The following SASH1 variants were observed in gnomAD, a reference collection of about 807,000 sequenced individuals.
SASH1 encodes the protein SAM and SH3 domain containing 1, also known as SAM and SH3 domain-containing protein 1.
A neutral mutation model predicts 125.2 loss-of-function variants in SASH1; 44 were observed. That is an observed-to-expected ratio of 0.35 (90% CI 0.28 to 0.45). The LOEUF (loss-of-function observed/expected upper bound fraction) is 0.45, where lower values mean the gene tolerates loss of function less well. Among genes scored for constraint, SASH1 ranks in the 20% least tolerant of loss-of-function variants. The pLI, the probability that SASH1 is intolerant of heterozygous loss-of-function variation, is 1.00. For synonymous variants in SASH1, 639 were observed against 649.1 expected (o/e 0.98, Z 0.24); for missense variants, 1,426 against 1,614.5 (o/e 0.88, Z 2.00).
chr6:148,413,517 T>C (rs1784704283), intron 2 of SASH1, among the ~76,000 whole-genome samples: 1 of 152,046 alleles, frequency 6.6e-6, no homozygotes, highest in Non-Finnish European at 1.5e-5. Flanking sequence ...TCTTACGATA[T>C]GTATTTGAGG....
chr6:148,519,934 G>A lies in SASH1; in HGVS notation c.1209+41G>A, dbSNP rs372348028. 8.2e-5 allele frequency: 114 copies of A among 1,386,692 alleles called. No homozygotes were observed. The East Asian group carries it at 1.7e-3, about 21-fold the overall frequency. The allele number at this position is 1,386,692 out of a possible 1,614,324, so 85.9% of individuals were successfully genotyped here. On this transcript the variant is annotated intron_variant, in intron 10 of 19. Transcript: ENST00000367467. The surrounding 1 kb of genome is among the most constrained non-coding windows in gnomAD (Gnocchi z 4.8). ...GTTTGCTTCTATGACAACCACCGTC[G>A]CAGGCACCACCTTCTGGTGTCCCTG...
intron 6 of SASH1, among the ~76,000 whole-genome samples, chr6:148,473,110 G>A (rs965508819): frequency 6.6e-6 from 1 of 152,160 alleles, no homozygotes; most frequent in South Asian, 2.1e-4. Context: ...CTGCCTTCAG[G>A]TGCGAGTTGG....
chr6:148,503,985 A>G (rs923459038), intron 8 of SASH1, among the ~76,000 whole-genome samples: 1 of 152,232 alleles, frequency 6.6e-6, no homozygotes, highest in African/African-American at 2.4e-5. Context: ...AATGCTACTA[A>G]CATACAGATG....
In SASH1 at chr6:148,519,939, C is replaced by A; in HGVS notation, c.1209+46C>A. On this transcript the variant is annotated intron_variant, in intron 10 of 19. Transcript: ENST00000367467. The surrounding 1 kb of genome is among the most constrained non-coding windows in gnomAD (Gnocchi z 4.8). ...CTTCTATGACAACCACCGTCGCAGG[C>A]ACCACCTTCTGGTGTCCCTGGAGGA... The A allele has an allele frequency of 1.5e-6, 2 of 1,352,114 alleles. No homozygotes were observed. Among genetic ancestry groups the A allele is most frequent in the Non-Finnish European group, 2.0e-6 (2 of 995,354 alleles). 83.8% of individuals were successfully genotyped at this position (1,352,114 alleles called of 1,614,324 possible).
intron 1 of SASH1, among the ~76,000 whole-genome samples, chr6:148,358,841 T>G (rs1258528741): frequency 6.8e-6 from 1 of 146,572 alleles, no homozygotes; most frequent in Non-Finnish European, 1.5e-5. Flanking sequence ...GTTCACGCCA[T>G]TCTCCTGCCT....
intron 8 of SASH1, among the ~76,000 whole-genome samples, chr6:148,494,875 G>T (rs1779252744): frequency 6.6e-6 from 1 of 152,162 alleles, no homozygotes. Flanking sequence ...GGACTTCCAA[G>T]GTCTCAACTA....
At chr6:148,400,385 G>T (rs981248224) in intron 2 of SASH1, among the ~76,000 whole-genome samples, 1 of 152,228 alleles carries the variant, frequency 6.6e-6, no homozygotes, top group South Asian at 2.1e-4. Context: ...TCCTCCTGAC[G>T]CACGCAGTCC....
At chr6:148,353,284 A>G (rs1323615220) in intron 1 of SASH1, among the ~76,000 whole-genome samples, 4 of 151,854 alleles carry the variant, frequency 2.6e-5, no homozygotes, top group Non-Finnish European at 5.9e-5. Flanking sequence ...TTTTTGTTGC[A>G]CAGGCTGATC....
chr6:148,534,366 C>T (rs1781711887), intron 15 of SASH1, among the ~76,000 whole-genome samples: 2 of 152,156 alleles, frequency 1.3e-5, no homozygotes, highest in South Asian at 4.1e-4. Context: ...GATTATGTTT[C>T]CTCTTTGCAA....
At chr6:148,334,479 G>C (rs968680490) in intron 1 of SASH1, among the ~76,000 whole-genome samples, 2 of 147,752 alleles carry the variant, frequency 1.4e-5, no homozygotes, top group Non-Finnish European at 3.0e-5. Context: ...TCCAGTGATG[G>C]TAATGGAGGT....
the SASH1 span, among the ~76,000 whole-genome samples, chr6:148,211,387 A>G: frequency 2.2e-4 from 34 of 152,204 alleles, no homozygotes; most frequent in African/African-American, 6.3e-4. Flanking sequence ...CCTGGCCAAC[A>G]TTGTGAAACC....
At chr6:148,510,382 A>G (rs1780045781) in intron 8 of SASH1, among the ~76,000 whole-genome samples, 1 of 152,182 alleles carries the variant, frequency 6.6e-6, no homozygotes, top group Admixed American at 6.5e-5. Flanking sequence ...CACTGAGAAG[A>G]TGATCTGTTT....
intron 7 of SASH1, among the ~76,000 whole-genome samples, chr6:148,481,472 C>T (rs139873881): frequency 6.8e-4 from 104 of 152,292 alleles, no homozygotes; most frequent in South Asian, 8.3e-4. Context: ...TGGCTTTCAA[C>T]GTGCCCTCCT....
At chr6:148,302,719 T>TAA (rs1237046941) in intron 1 of SASH1, among the ~76,000 whole-genome samples, 6 of 136,930 alleles carry the variant, frequency 4.4e-5, no homozygotes, top group African/African-American at 5.2e-5. Context: ...TATATATATA[T>TAA]AATTTCTGTG....
the SASH1 span, among the ~76,000 whole-genome samples, chr6:148,200,412 C>T: frequency 6.6e-6 from 1 of 152,200 alleles, no homozygotes; most frequent in African/African-American, 2.4e-5. Context: ...ATCTCTGCAG[C>T]TCACAGAGCG....
intron 1 of SASH1, among the ~76,000 whole-genome samples, chr6:148,326,335 T>TATATATATATATATATATATATGC (rs1408274809): frequency 6.0e-5 from 4 of 67,132 alleles, no homozygotes; most frequent in Admixed American, 1.9e-4. Flanking sequence ...TATATATATA[T>TATATATATATATATATATATATGC]ATATATATAT....
At chr6:148,487,108 C>CAT in intron 7 of SASH1, among the ~76,000 whole-genome samples, 1 of 137,614 alleles carries the variant, frequency 7.3e-6, no homozygotes, top group Non-Finnish European at 1.5e-5. Flanking sequence ...CACACACACA[C>CAT]ACACATATAT....
intron 7 of SASH1, chr6:148,480,321 T>TAAAAAA (rs67748460): frequency 3.9e-4 from 48 of 122,332 alleles, no homozygotes; most frequent in African/African-American, 1.3e-3. Context: ...AACTCCATCT[T>TAAAAAA]AAAAAAAAAA....
At chr6:148,296,074 A>G (rs574806821) in intron 1 of SASH1, among the ~76,000 whole-genome samples, 57 of 152,234 alleles carry the variant, frequency 3.7e-4, no homozygotes, top group African/African-American at 1.3e-3. Context: ...ATACTTGTTA[A>G]AAAGCAAATT....
Sources: gnomAD v4.1 joint callset for allele counts (sites outside exome capture counted in the v4.1 genomes callset) on GRCh38, gnomAD v4.1.1 for gene constraint, Gnocchi (gnomAD v3.1) non-coding constraint, MANE v1.5 for transcripts, NCBI Gene and HGNC (gene_info 2026-07-23, HGNC 2026-07-21) for gene names.